The following HDGFL3 variants were observed in gnomAD, a reference collection of about 807,000 sequenced individuals.
HDGFL3 encodes hepatoma-derived growth factor-related protein 3.
A neutral mutation model predicts 27.6 loss-of-function variants in HDGFL3; 6 were observed. The observed-to-expected ratio is 0.22, with a 90% CI of 0.12 to 0.43. The LOEUF (loss-of-function observed/expected upper bound fraction) is 0.43. Ranked by LOEUF, HDGFL3 falls within the 20% of genes least tolerant of loss-of-function variation. The pLI is 1.00. For synonymous variants in HDGFL3, 88 were observed against 88.9 expected (o/e 0.99, Z 0.05); for missense variants, 207 against 250.1 (o/e 0.83, Z 1.16).
At chr15:83,119,915 CTGAT>C (rs2035063376) in intron 3 of HDGFL3, 2 of 443,914 alleles carry the variant, frequency 4.5e-6, no homozygotes, top group Admixed American at 3.9e-5. Flanking sequence ...TTTAAGCTTT[CTGAT>C]TATGTTGTCT....
At chr15:83,115,501 G>A in exon 4 of HDGFL3, 1 of 414,628 alleles carries the variant, frequency 2.4e-6, no homozygotes, top group Non-Finnish European at 4.6e-6. Flanking sequence ...GCCCATGTGG[G>A]ATGTGGGTTT....
chr15:83,124,464 A>G (rs1798022263), downstream of HDGFL3, among the ~76,000 whole-genome samples: 1 of 152,198 alleles, frequency 6.6e-6, no homozygotes, highest in South Asian at 2.1e-4. Flanking sequence ...TCGAGAGATC[A>G]TTTAGCCCAA....
chr15:83,182,658 T>G (rs1024426480), intron 1 of HDGFL3, among the ~76,000 whole-genome samples: 1 of 152,172 alleles, frequency 6.6e-6, no homozygotes, highest in Non-Finnish European at 1.5e-5. Context: ...GGAAGGGTAT[T>G]AGAGAATTTT....
intron 4 of HDGFL3, among the ~76,000 whole-genome samples, chr15:83,156,412 G>A (rs1364852420): frequency 1.3e-5 from 2 of 152,160 alleles, no homozygotes; most frequent in Admixed American, 6.5e-5. Context: ...TATAATTTAT[G>A]TGAAGGCAGG....
rs2036439475 is a variant in HDGFL3, at chr15:83,133,943, T to C, written c.*5327A>G. 3 of 152,242 alleles carry C rather than the reference T, an allele frequency of 2.0e-5. No individual in the cohort carries two copies. The highest frequency in any genetic ancestry group is 4.4e-5 in the Non-Finnish European group (3 of 68,044). 9.4% of individuals were successfully genotyped at this position (152,242 alleles called of 1,614,324 possible). A position where few individuals can be genotyped will look rare whatever the true frequency, so the allele number is the denominator to read the frequency against. On this transcript the variant is annotated 3_prime_UTR_variant, in exon 6 of 6. Transcript: ENST00000299633. ...TAGGACTATGAGCAGTACTGGGAGC[T>C]GCACACCACTGGCCTTAGAGTTCTT...
intron 4 of HDGFL3, among the ~76,000 whole-genome samples, chr15:83,156,569 C>T (rs1241776510): frequency 6.6e-6 from 1 of 152,212 alleles, no homozygotes; most frequent in Non-Finnish European, 1.5e-5. Flanking sequence ...ACAGTCATGT[C>T]ACATAGTAAT....
intron 1 of HDGFL3, among the ~76,000 whole-genome samples, chr15:83,195,961 T>C (rs2037565791): frequency 6.6e-6 from 1 of 152,008 alleles, no homozygotes; most frequent in South Asian, 2.1e-4. Flanking sequence ...TGCTAGAAAG[T>C]ATGAAATAGC....
At chr15:83,179,491 T>C (rs2037353315) in intron 1 of HDGFL3, among the ~76,000 whole-genome samples, 2 of 152,224 alleles carry the variant, frequency 1.3e-5, no homozygotes, top group African/African-American at 4.8e-5. Context: ...TTGTTCATTG[T>C]AGGAGTCCAG....
At chr15:83,185,805 C>T (rs2037434880) in intron 1 of HDGFL3, 1 of 152,214 alleles carries the variant, frequency 6.6e-6, no homozygotes. Context: ...TGTGCTGGAT[C>T]TAGTTACTTA....
At chr15:83,155,149 G>A (rs2037013323) in intron 4 of HDGFL3, among the ~76,000 whole-genome samples, 1 of 152,318 alleles carries the variant, frequency 6.6e-6, no homozygotes, top group East Asian at 1.9e-4. Context: ...ATAGGTATGA[G>A]CCATTGTGAC....
At chr15:83,164,981 T>C (rs760973672) in intron 1 of HDGFL3, among the ~76,000 whole-genome samples, 4 of 152,220 alleles carry the variant, frequency 2.6e-5, no homozygotes, top group Non-Finnish European at 5.9e-5. Context: ...CTTTCAGACA[T>C]ACAATGTTCA....
chr15:83,156,874 T>C (rs370369038), intron 4 of HDGFL3, among the ~76,000 whole-genome samples: 12 of 152,016 alleles, frequency 7.9e-5, no homozygotes, highest in African/African-American at 2.9e-4. Context: ...TGCTTTTACA[T>C]TGTTAGTAGA....
Position 83,175,774 on chromosome 15 carries a change from G to A in HDGFL3, c.85-11699C>T, listed in dbSNP as rs62010218. ...ACTCGGGAGGCTGAGGCAGGAGAAT[G>A]GTGTGAACCCGGGAGGCAGAGCTTT... On this transcript the variant is annotated intron_variant, in intron 1 of 5. Coordinates refer to ENST00000299633, the MANE Select transcript of HDGFL3 (RefSeq NM_016073.4). 2.3e-3 allele frequency among the ~76,000 whole-genome samples: 355 copies of A among 152,262 alleles called. 1 individual carries two copies. Among genetic ancestry groups the A allele is most frequent in the Non-Finnish European group, 4.1e-3 (279 of 68,004 alleles).
chr15:83,194,880 T>C (rs1255943870), intron 1 of HDGFL3, among the ~76,000 whole-genome samples: 1 of 152,208 alleles, frequency 6.6e-6, no homozygotes, highest in Non-Finnish European at 1.5e-5. Flanking sequence ...TTAAATCTTA[T>C]GTCTCAGAAG....
At chr15:83,123,845 T>C (rs973279257), downstream of HDGFL3, among the ~76,000 whole-genome samples, 2 of 152,260 alleles carry the variant, frequency 1.3e-5, no homozygotes, top group African/African-American at 4.8e-5. Context: ...TTATTTTTAA[T>C]GTGAAAACAC....
intron 1 of HDGFL3, among the ~76,000 whole-genome samples, chr15:83,194,324 T>C (rs2067458205): frequency 6.6e-6 from 1 of 152,178 alleles, no homozygotes; most frequent in African/African-American, 2.4e-5. Flanking sequence ...TACCGTATAA[T>C]TCCATCTGTA....
chr15:83,139,206 A>T lies in HDGFL3; in HGVS notation c.*64T>A. 1 of 1,186,326 alleles carries T rather than the reference A, an allele frequency of 8.4e-7. No homozygotes were observed. 73.5% of individuals were successfully genotyped at this position (1,186,326 alleles called of 1,614,324 possible). A position where few individuals can be genotyped will look rare whatever the true frequency, so the allele number is the denominator to read the frequency against. On this transcript the variant is annotated 3_prime_UTR_variant, in exon 6 of 6. Transcript: ENST00000299633. ...GTTGGTTCATATCAAATCCAAGAAT[A>T]TTAGACAACCAAACATATAACCTTC...
intron 5 of HDGFL3, among the ~76,000 whole-genome samples, chr15:83,149,601 C>T (rs1280519880): frequency 2.0e-5 from 3 of 152,118 alleles, no homozygotes; most frequent in Non-Finnish European, 2.9e-5. Context: ...GACGTTGGAT[C>T]GGGCAAGGAG....
At position 83,207,682 on chromosome 15, in the gene HDGFL3, C is replaced by CCCGCCGCCGCCGCCG. The variant is rs564306913; in HGVS notation, c.-283_-269dup. The CCCGCCGCCGCCGCCG allele has an allele frequency of 6.6e-6, 1 of 151,522 alleles. No individual in the cohort carries two copies. The highest frequency in any genetic ancestry group is 6.8e-5 in the Admixed American group (1 of 14,738). 9.4% of individuals were successfully genotyped at this position (151,522 alleles called of 1,614,324 possible). ...GCCCGCGTCCGGCCGCGCCAAGGTC[C>CCCGCCGCCGCCGCCG]CCGCCGCCGCCGCCGCCGCCGCCGC... On this transcript the variant is annotated 5_prime_UTR_variant, in exon 1 of 6. Coordinates refer to ENST00000299633, the MANE Select transcript of HDGFL3 (RefSeq NM_016073.4). The surrounding 1 kb of genome is among the most constrained non-coding windows in gnomAD (Gnocchi z 4.8).
Sources: allele counts gnomAD v4.1 joint callset (sites outside exome capture counted in the v4.1 genomes callset), GRCh38; gene constraint gnomAD v4.1.1; non-coding constraint Gnocchi (gnomAD v3.1); transcripts MANE v1.5; gene names NCBI Gene and HGNC (gene_info 2026-07-23, HGNC 2026-07-21).